CLMN: variants seen among roughly 807,000 people sequenced by gnomAD.
CLMN encodes calmin (calponin-like, transmembrane).
In CLMN, 57 loss-of-function variants were observed where a neutral mutation model predicts 92.7. The observed-to-expected ratio is 0.61, with a 90% confidence interval of 0.50 to 0.77. CLMN has a LOEUF of 0.77. CLMN is among the 30% of genes least tolerant of loss of function. The probability of loss-of-function intolerance (pLI) is 0.00; values close to 1 mark genes in which losing one functional copy is unlikely to be tolerated. For missense variants in CLMN, 1,158 were observed against 1,237.5 expected (o/e 0.94, Z 0.96); for synonymous variants, 466 against 470.6 (o/e 0.99, Z 0.13).
chr14:95,232,477 C>T (rs1003524612), intron 1 of CLMN, among the ~76,000 whole-genome samples: 2 of 152,196 alleles, frequency 1.3e-5, no homozygotes, highest in African/African-American at 4.8e-5. Context: ...CCATAAATCA[C>T]GTTTCAATAT....
chr14:95,316,050 G>C (rs1357673002), intron 1 of CLMN, among the ~76,000 whole-genome samples: 1 of 152,184 alleles, frequency 6.6e-6, no homozygotes, highest in African/African-American at 2.4e-5. Flanking sequence ...CACTGAGCTG[G>C]ACCCTGAGGC....
chr14:95,189,610 TA>T lies in CLMN; in HGVS notation c.*1953del, dbSNP rs1896516792. On this transcript the variant is annotated 3_prime_UTR_variant, in exon 13 of 13. Transcript: ENST00000298912. ...TTTTTCTGAACAAGGTCTAGACCCATAAAATGAAATGATTCACATTTGGGTT... is the reference window on the plus strand; with the variant it reads ...TTTTTCTGAACAAGGTCTAGACCCATAAATGAAATGATTCACATTTGGGTT... The T allele has an allele frequency of 6.6e-6, 1 of 152,222 alleles. No homozygotes were observed. The highest frequency in any genetic ancestry group is 6.5e-5 in the Admixed American group (1 of 15,284). The allele number at this position is 152,222 out of a possible 1,614,324, so 9.4% of individuals were successfully genotyped here.
At chr14:95,279,717 A>C (rs1900071457) in intron 1 of CLMN, among the ~76,000 whole-genome samples, 1 of 152,228 alleles carries the variant, frequency 6.6e-6, no homozygotes. Flanking sequence ...CAGGAGGCGG[A>C]GCTTGCAGTG....
At chr14:95,268,410 C>T (rs1899564328) in intron 1 of CLMN, among the ~76,000 whole-genome samples, 2 of 149,340 alleles carry the variant, frequency 1.3e-5, no homozygotes, top group Admixed American at 1.3e-4. Flanking sequence ...CAAATGATTA[C>T]ACCACCATGA....
intron 1 of CLMN, among the ~76,000 whole-genome samples, chr14:95,276,971 T>C (rs1595086948): frequency 6.6e-6 from 1 of 151,870 alleles, no homozygotes. Flanking sequence ...TAACATGGCT[T>C]GGCCCCCCCA....
chr14:95,194,093 C>A lies in CLMN; in HGVS notation c.2770-174G>T. 7.0e-7 allele frequency: 1 copy of A among 1,432,872 alleles called. No homozygotes were observed. The highest frequency in any genetic ancestry group is 1.5e-5 in the South Asian group (1 of 64,774). 88.8% of individuals were successfully genotyped at this position (1,432,872 alleles called of 1,614,324 possible). A position where few individuals can be genotyped will look rare whatever the true frequency, so the allele number is the denominator to read the frequency against. ...TGCTAAACAATATACATTCCTCTAC[C>A]TCCTCCCCTAAGCCCCTCCCTTGTG... On this transcript the variant is annotated intron_variant, in intron 11 of 12. Transcript: ENST00000298912. The surrounding 1 kb of genome is among the most constrained non-coding windows in gnomAD (Gnocchi z 4.0).
intron 2 of CLMN, among the ~76,000 whole-genome samples, chr14:95,228,558 G>C (rs1183353000): frequency 6.6e-6 from 1 of 152,234 alleles, no homozygotes; most frequent in Non-Finnish European, 1.5e-5. Flanking sequence ...TTGAGGTCAA[G>C]AGCTCCACTT....
At position 95,299,633 on chromosome 14, in the gene CLMN, A is replaced by T. The variant is rs1234521958; in HGVS notation, c.82+20078T>A. Among the ~76,000 whole-genome samples, 3 of 152,296 alleles carry T rather than the reference A, an allele frequency of 2.0e-5. No individual in the cohort carries two copies. The South Asian group carries it at 6.2e-4, about 32-fold the overall frequency. ...CAAACAGGGCTTCTGAGGTTGGAAG[A>T]GACCCTGCTACAAAGAGGCAGAGCC... On this transcript the variant is annotated intron_variant, in intron 1 of 12. Coordinates refer to ENST00000298912, the MANE Select transcript of CLMN (RefSeq NM_024734.4).
intron 1 of CLMN, among the ~76,000 whole-genome samples, chr14:95,236,306 G>T (rs888061057): frequency 2.6e-5 from 4 of 152,154 alleles, no homozygotes; most frequent in African/African-American, 9.7e-5. Flanking sequence ...CAGGCGGGGG[G>T]TCTCAATGCT....
chr14:95,312,275 C>T (rs995028012), intron 1 of CLMN, among the ~76,000 whole-genome samples: 3 of 152,132 alleles, frequency 2.0e-5, no homozygotes, highest in Non-Finnish European at 2.9e-5. Flanking sequence ...CCCTCCATCC[C>T]GAGCTCCCAG....
intron 1 of CLMN, among the ~76,000 whole-genome samples, chr14:95,269,165 T>C (rs28524608): frequency 0.1 from 15,493 of 152,082 alleles, 961 homozygotes; most frequent in African/African-American, 0.17. Flanking sequence ...TAATAAAAAC[T>C]CTTCATCCAC....
At chr14:95,251,513 T>TA (rs1485897935) in intron 1 of CLMN, among the ~76,000 whole-genome samples, 1 of 152,226 alleles carries the variant, frequency 6.6e-6, no homozygotes, top group African/African-American at 2.4e-5. Flanking sequence ...GGTCATTGTA[T>TA]ACCCTTGAGT....
intron 2 of CLMN, among the ~76,000 whole-genome samples, chr14:95,229,459 G>A (rs1257760652): frequency 6.6e-6 from 1 of 152,188 alleles, no homozygotes; most frequent in Non-Finnish European, 1.5e-5. Context: ...CCACTAAGTT[G>A]AATACAGAGG....
rs556997480 is a variant in CLMN, at chr14:95,319,342, G to C, written c.82+369C>G. Among the ~76,000 whole-genome samples, 177 of 135,342 alleles carry C rather than the reference G, an allele frequency of 1.3e-3. 3 individuals carry two copies. Among genetic ancestry groups the C allele is most frequent in the African/African-American group, 5.3e-3 (171 of 32,036 alleles). 88.8% of individuals were successfully genotyped at this position (135,342 alleles called of 152,430 possible). A position where few individuals can be genotyped will look rare whatever the true frequency, so the allele number is the denominator to read the frequency against. Reference sequence around the variant, plus strand: ...ACACACACACACACACACACACACAGAGTCGCACTGTCTCCTCCCCTCCCT... The same window carrying C: ...ACACACACACACACACACACACACACAGTCGCACTGTCTCCTCCCCTCCCT... On this transcript the variant is annotated intron_variant, in intron 1 of 12. Transcript: ENST00000298912.
rs964374942 is a variant in CLMN at position 95,190,915 on chromosome 14, C to CA, written c.*648dup. 2.9e-4 allele frequency: 44 copies of CA among 152,122 alleles called. No homozygotes were observed. The highest frequency in any genetic ancestry group is 4.6e-4 in the Admixed American group (7 of 15,286). 9.4% of individuals were successfully genotyped at this position (152,122 alleles called of 1,614,324 possible). A position where few individuals can be genotyped will look rare whatever the true frequency, so the allele number is the denominator to read the frequency against. On this transcript the variant is annotated 3_prime_UTR_variant, in exon 13 of 13. Coordinates refer to ENST00000298912, the MANE Select transcript of CLMN (RefSeq NM_024734.4). ...AACAAAAAACAAAACAAAAAAACAA[C>CA]AAAAAAAACAGGGTGAAAAAGAGCA...
rs571827340 is a variant in CLMN, at chr14:95,185,653, A to G, written c.*5911T>C. On this transcript the variant is annotated 3_prime_UTR_variant, in exon 13 of 13. Transcript: ENST00000298912. ...TTCCTGGCTGAGAAGGTCCCGAGATACCAGGCTGACTGGAAGCTCCCACAC... is the reference window on the plus strand; with the variant it reads ...TTCCTGGCTGAGAAGGTCCCGAGATGCCAGGCTGACTGGAAGCTCCCACAC... 2.8e-4 allele frequency: 43 copies of G among 152,248 alleles called. No individual in the cohort carries two copies. The highest frequency in any genetic ancestry group is 1.0e-3 in the African/African-American group (43 of 41,540). The allele number at this position is 152,248 out of a possible 1,614,324, so 9.4% of individuals were successfully genotyped here.
At chr14:95,291,107 T>G (rs1440542596) in intron 1 of CLMN, among the ~76,000 whole-genome samples, 1 of 152,162 alleles carries the variant, frequency 6.6e-6, no homozygotes, top group East Asian at 1.9e-4. Flanking sequence ...CAAGAACAAT[T>G]TAAAAAGAAA....
At chr14:95,198,091 C>G in intron 9 of CLMN, among the ~76,000 whole-genome samples, 1 of 127,006 alleles carries the variant, frequency 7.9e-6, no homozygotes, top group Non-Finnish European at 1.6e-5. Flanking sequence ...CTTTTGTCTC[C>G]TAGGCTGGAG....
rs146464693 is a variant in CLMN at position 95,204,237 on chromosome 14, G to T, written c.1112C>A (p.Ala371Glu). The T allele has an allele frequency of 4.3e-6, 7 of 1,613,844 alleles. No individual in the cohort carries two copies. The highest frequency in any genetic ancestry group is 2.7e-5 in the African/African-American group (2 of 74,914). ...GAACTCGGTGGAGCTGTCTGACAGCGCATGGCTGGAAACACCATCCAGGCG... is the reference window on the plus strand; with the variant it reads ...GAACTCGGTGGAGCTGTCTGACAGCTCATGGCTGGAAACACCATCCAGGCG... The part of the protein sequence containing the change: ...EFRLDGVSSH[A>E]LSDSSTEFMH... Residue 371 changes from alanine to glutamate, a missense_variant, in exon 9 of 13, where the codon GCG becomes GAG. By Grantham distance (107) the Ala-to-Glu change is moderately radical (BLOSUM62 -1). Coordinates refer to ENST00000298912, the MANE Select transcript of CLMN (RefSeq NM_024734.4).
Sources: gnomAD v4.1 joint callset for allele counts (sites outside exome capture counted in the v4.1 genomes callset) on GRCh38, gnomAD v4.1.1 for gene constraint, Gnocchi (gnomAD v3.1) non-coding constraint, MANE v1.5 for transcripts, NCBI Gene and HGNC (gene_info 2026-07-23, HGNC 2026-07-21) for gene names.